DPY19L2: variants seen among roughly 807,000 people sequenced by gnomAD.
DPY19L2 encodes dpy-19 like 2.
A neutral mutation model predicts 97.9 loss-of-function variants in DPY19L2; 34 were observed. That is an observed-to-expected ratio of 0.35 (90% CI 0.26 to 0.46). DPY19L2 has a LOEUF of 0.46. Ranked by LOEUF, DPY19L2 falls within the 20% of genes least tolerant of loss-of-function variation. DPY19L2 has a pLI of 1.00. For synonymous variants in DPY19L2, 230 were observed against 307.9 expected, an observed-to-expected ratio of 0.75 and a Z score of 2.65; for missense variants, 623 against 911.4, an observed-to-expected ratio of 0.68 and a Z score of 4.07.
intron 12 of DPY19L2, among the ~76,000 whole-genome samples, chr12:63,607,694 A>G (rs1321770262): frequency 6.6e-6 from 1 of 152,120 alleles, no homozygotes; most frequent in Non-Finnish European, 1.5e-5. Context: ...GTGGAGTGCA[A>G]TGGGGTAATC....
chr12:63,562,480 A>G (rs1876759493), intron 21 of DPY19L2, among the ~76,000 whole-genome samples: 1 of 146,448 alleles, frequency 6.8e-6, no homozygotes, highest in Admixed American at 6.7e-5. Flanking sequence ...ATAAAGTGCT[A>G]TGAACATTTG....
intron 12 of DPY19L2, among the ~76,000 whole-genome samples, chr12:63,601,284 G>C (rs1422640396): frequency 6.6e-6 from 1 of 152,110 alleles, no homozygotes; most frequent in Non-Finnish European, 1.5e-5. Context: ...GAAAACTTAA[G>C]CTTTCCTTTA....
intron 16 of DPY19L2, among the ~76,000 whole-genome samples, chr12:63,588,636 T>G (rs1308215416): frequency 6.6e-6 from 1 of 152,116 alleles, no homozygotes; most frequent in Non-Finnish European, 1.5e-5. Context: ...TTAACATTCA[T>G]TTTTTACTGC....
intron 19 of DPY19L2, among the ~76,000 whole-genome samples, chr12:63,576,938 C>T (rs2137329404): frequency 6.6e-6 from 1 of 151,898 alleles, no homozygotes; most frequent in Non-Finnish European, 1.5e-5. Context: ...AAAAACTATC[C>T]TTATTTATTC....
intron 11 of DPY19L2, among the ~76,000 whole-genome samples, chr12:63,610,841 CAAA>C (rs56044043): frequency 1.0e-3 from 11 of 10,772 alleles, no homozygotes; most frequent in Admixed American, 2.2e-3. Context: ...ATGAATATAG[CAAA>C]AAAAAAAAAA....
chr12:63,561,928 G>T (rs572646523), intron 21 of DPY19L2, among the ~76,000 whole-genome samples: 3 of 152,266 alleles, frequency 2.0e-5, no homozygotes, highest in African/African-American at 7.2e-5. Context: ...GAGAGTTTAA[G>T]TTGTATCAGT....
At chr12:63,592,553 T>C (rs1411260606) in intron 16 of DPY19L2, among the ~76,000 whole-genome samples, 6 of 150,180 alleles carry the variant, frequency 4.0e-5, no homozygotes, top group African/African-American at 1.5e-4. Context: ...ATTCCCTATT[T>C]AATAAATGGT....
chr12:63,629,588 G>A (rs1434874873), intron 6 of DPY19L2, among the ~76,000 whole-genome samples: 4 of 152,176 alleles, frequency 2.6e-5, no homozygotes, highest in South Asian at 2.1e-4. Context: ...GTCTACGTCT[G>A]ATTGGTGTAC....
chr12:63,630,236 T>C (rs933928242), intron 6 of DPY19L2, among the ~76,000 whole-genome samples: 2 of 152,128 alleles, frequency 1.3e-5, no homozygotes, highest in African/African-American at 4.8e-5. Flanking sequence ...TAAATGTAAA[T>C]GGGCTAAATG....
intron 6 of DPY19L2, among the ~76,000 whole-genome samples, chr12:63,644,011 C>T (rs1893055610): frequency 6.6e-6 from 1 of 152,126 alleles, no homozygotes; most frequent in Non-Finnish European, 1.5e-5. Context: ...GATGTAAGTG[C>T]CTGCCACATG....
At chr12:63,574,017 G>A (rs1447575059) in intron 19 of DPY19L2, among the ~76,000 whole-genome samples, 1 of 151,934 alleles carries the variant, frequency 6.6e-6, no homozygotes, top group African/African-American at 2.4e-5. Flanking sequence ...AGTACACAGA[G>A]AAACACAATA....
chr12:63,582,435 C>G lies in DPY19L2; in HGVS notation c.1696G>C (p.Val566Leu), dbSNP rs141488244. 2.5e-6 allele frequency: 4 copies of G among 1,613,360 alleles called. No homozygotes were observed. In the African/African-American group the frequency reaches 5.3e-5, roughly 22 times the overall value. ...CGAGAGCATATCAAGGAAGCCATAA[C>G]ACACATGTGCGGTGTCAAAAACATC... is the stretch of plus-strand genomic sequence containing the variant. ...LKMFLTPHMC[V>L]MASLICSRQL... Residue 566 changes from valine to leucine, a missense_variant, in exon 18 of 22, where the codon GTT becomes CTT. Around this residue, in one of 6 missense-constraint regions of DPY19L2, gnomAD observed 294 missense variants for 446.2 expected, o/e 0.66. Coordinates refer to ENST00000324472, the MANE Select transcript of DPY19L2 (RefSeq NM_173812.5).
At chr12:63,661,507 G>A (rs1297054482) in intron 3 of DPY19L2, 26 bp from the exon 4 acceptor site, 2 of 1,456,702 alleles carry the variant, frequency 1.4e-6, no homozygotes, top group East Asian at 2.6e-5. Context: ...GACATATATT[G>A]TCAATGTAAT....
intron 6 of DPY19L2, among the ~76,000 whole-genome samples, chr12:63,632,432 G>C (rs1174509868): frequency 2.0e-5 from 3 of 152,096 alleles, no homozygotes; most frequent in Non-Finnish European, 4.4e-5. Flanking sequence ...TAGACAAACA[G>C]AGAGCCAAAC....
At chr12:63,633,081 C>G (rs1340648830) in intron 6 of DPY19L2, among the ~76,000 whole-genome samples, 1 of 152,148 alleles carries the variant, frequency 6.6e-6, no homozygotes, top group Non-Finnish European at 1.5e-5. Flanking sequence ...TGATTAAAGA[C>G]TTAAACGTTA....
chr12:63,595,288 C>T (rs1184867172), intron 15 of DPY19L2, among the ~76,000 whole-genome samples: 1 of 152,020 alleles, frequency 6.6e-6, no homozygotes, highest in Non-Finnish European at 1.5e-5. Context: ...GACTTGATAG[C>T]TTGTAAATAA....
At chr12:63,662,499 T>C (rs1473847994) in intron 3 of DPY19L2, among the ~76,000 whole-genome samples, 5 of 150,910 alleles carry the variant, frequency 3.3e-5, no homozygotes. Context: ...ATTAAATATA[T>C]AAAAAGTTAC....
intron 4 of DPY19L2, among the ~76,000 whole-genome samples, chr12:63,652,401 A>T (rs1009133850): frequency 3.3e-5 from 5 of 152,112 alleles, no homozygotes; most frequent in African/African-American, 1.2e-4. Context: ...CTACCATTTG[A>T]CCCAGCAACC....
At chr12:63,573,230 A>G (rs917248076) in intron 19 of DPY19L2, among the ~76,000 whole-genome samples, 1 of 152,140 alleles carries the variant, frequency 6.6e-6, no homozygotes, top group Non-Finnish European at 1.5e-5. Flanking sequence ...TTAGTATCTT[A>G]TCAGATAAAG....
Sources: gnomAD v4.1 joint callset for allele counts (sites outside exome capture counted in the v4.1 genomes callset) on GRCh38, gnomAD v4.1.1 for gene constraint, gnomAD v4.1.1 regional missense constraint, MANE v1.5 for transcripts, NCBI Gene and HGNC (gene_info 2026-07-23, HGNC 2026-07-21) for gene names.